EPHB2: variants seen among roughly 807,000 people sequenced by gnomAD.
EPHB2 encodes ephrin type-B receptor 2.
In EPHB2, 18 loss-of-function variants were observed where a neutral mutation model predicts 96.4. That is an observed-to-expected ratio of 0.19 (90% CI 0.13 to 0.28). EPHB2 has a LOEUF of 0.28. EPHB2 is among the 10% of genes least tolerant of loss of function. The pLI is 1.00. For synonymous variants in EPHB2, 506 were observed against 534.1 expected (o/e 0.95, Z 0.72); for missense variants, 989 against 1,355.4 (o/e 0.73, Z 4.25).
intron 9 of EPHB2, among the ~76,000 whole-genome samples, chr1:22,897,563 A>C (rs1639607683): frequency 6.6e-6 from 1 of 151,206 alleles, no homozygotes; most frequent in South Asian, 2.1e-4. Flanking sequence ...TGAGGCAGGC[A>C]GATCACTTGA....
chr1:22,820,398 C>T (rs1001525399), intron 3 of EPHB2, among the ~76,000 whole-genome samples: 1 of 152,088 alleles, frequency 6.6e-6, no homozygotes, highest in Non-Finnish European at 1.5e-5. Flanking sequence ...CGGTGGCTCA[C>T]GCCTGTAATC....
intron 1 of EPHB2, among the ~76,000 whole-genome samples, chr1:22,730,659 G>C (rs977692504): frequency 6.6e-6 from 1 of 152,016 alleles, no homozygotes. Flanking sequence ...GGGTGTTTCA[G>C]GCAGTGAGGA....
chr1:22,845,064 G>A (rs535958112), intron 3 of EPHB2, among the ~76,000 whole-genome samples: 2 of 152,346 alleles, frequency 1.3e-5, no homozygotes, highest in African/African-American at 2.4e-5. Context: ...AGGAGGTGAC[G>A]ATGATGAGTT....
intron 1 of EPHB2, among the ~76,000 whole-genome samples, chr1:22,723,957 C>T (rs2148342984): frequency 6.6e-6 from 1 of 152,308 alleles, no homozygotes. Context: ...TTAGCTGAAT[C>T]CTACAGATGA....
intron 1 of EPHB2, among the ~76,000 whole-genome samples, chr1:22,770,270 T>C (rs751561978): frequency 2.0e-5 from 3 of 152,068 alleles, no homozygotes; most frequent in African/African-American, 4.8e-5. Context: ...GTTGGAAAGA[T>C]AGATGGATGA....
At chr1:22,740,367 G>C (rs1643887587) in intron 1 of EPHB2, among the ~76,000 whole-genome samples, 1 of 152,172 alleles carries the variant, frequency 6.6e-6, no homozygotes, top group African/African-American at 2.4e-5. Context: ...TACCCAATCA[G>C]GGTGTTTTCC....
At chr1:22,718,734 T>C (rs1244976419) in intron 1 of EPHB2, among the ~76,000 whole-genome samples, 2 of 152,186 alleles carry the variant, frequency 1.3e-5, no homozygotes, top group African/African-American at 2.4e-5. Flanking sequence ...ATTATGTGTG[T>C]TGCCTTGTGC....
chr1:22,790,197 C>T lies in EPHB2; in HGVS notation c.811+5121C>T, dbSNP rs1644671128. 6.6e-6 allele frequency among the ~76,000 whole-genome samples: 1 copy of T among 152,066 alleles called. No individual in the cohort carries two copies. The highest frequency in any genetic ancestry group is 1.5e-5 in the Non-Finnish European group (1 of 68,010). ...GCAGAGAGAACTATACGAATAAAGG[C>T]CCCAAGGTGTGACAGTACAAGGCAT... On this transcript the variant is annotated intron_variant, in intron 3 of 15. Coordinates refer to ENST00000374630, the MANE Select transcript of EPHB2 (RefSeq NM_017449.5). The surrounding 1 kb of genome is among the most constrained non-coding windows in gnomAD (Gnocchi z 4.0).
chr1:22,753,020 A>G (rs1644088724), intron 1 of EPHB2, among the ~76,000 whole-genome samples: 1 of 151,536 alleles, frequency 6.6e-6, no homozygotes, highest in African/African-American at 2.4e-5. Flanking sequence ...GGCTCAAGTG[A>G]TCCTCCTGTC....
intron 11 of EPHB2, 75 bp downstream of exon 11, chr1:22,907,032 C>A: frequency 1.3e-6 from 2 of 1,507,806 alleles, no homozygotes; most frequent in South Asian, 1.4e-5. Context: ...TTCATACTGT[C>A]AGAGCCTGAA....
At chr1:22,766,892 G>GA (rs1445478108) in intron 1 of EPHB2, among the ~76,000 whole-genome samples, 1 of 152,236 alleles carries the variant, frequency 6.6e-6, no homozygotes, top group Non-Finnish European at 1.5e-5. Flanking sequence ...TGGGGCTGGG[G>GA]AGCTGATGAA....
At position 22,722,259 on chromosome 1, in the gene EPHB2, A is replaced by G. The variant is rs149878861; in HGVS notation, c.61+11216A>G. Among the ~76,000 whole-genome samples, 247 of 152,178 alleles carry G rather than the reference A, an allele frequency of 1.6e-3. 2 individuals are homozygous for G. The highest frequency in any genetic ancestry group is 5.6e-3 in the African/African-American group (233 of 41,518). Reference sequence around the variant, plus strand: ...TGATCCACCTGCCTCAGCTTCCCAAATTGTTGGGATTACAGACGTGAGCCA... The same window carrying G: ...TGATCCACCTGCCTCAGCTTCCCAAGTTGTTGGGATTACAGACGTGAGCCA... On this transcript the variant is annotated intron_variant, in intron 1 of 15. Transcript: ENST00000374630.
At chr1:22,726,059 A>G (rs532216920) in intron 1 of EPHB2, among the ~76,000 whole-genome samples, 1 of 152,186 alleles carries the variant, frequency 6.6e-6, no homozygotes, top group African/African-American at 2.4e-5. Context: ...TCATCCATCC[A>G]TCTGTCCATC....
At position 22,913,766 on chromosome 1, in the gene EPHB2, A is replaced by T. The variant is rs1640190448; in HGVS notation, c.*196A>T. ...CTCAAACGACGGAAAAAAAAAGGGAATGGGAAAAAAGAAAACAGATCCTGG... is the reference window on the plus strand; with the variant it reads ...CTCAAACGACGGAAAAAAAAAGGGATTGGGAAAAAAGAAAACAGATCCTGG... On this transcript the variant is annotated 3_prime_UTR_variant, in exon 16 of 16. Coordinates refer to ENST00000374630, the MANE Select transcript of EPHB2 (RefSeq NM_017449.5). This position sits in a 1 kb window ranked among gnomAD's most constrained non-coding sequence, Gnocchi z 4.1. The T allele has an allele frequency of 6.2e-7, 1 of 1,607,280 alleles. No individual in the cohort carries two copies. The highest frequency in any genetic ancestry group is 1.7e-5 in the Admixed American group (1 of 58,628).
intron 3 of EPHB2, among the ~76,000 whole-genome samples, chr1:22,843,982 CT>C (rs1446587585): frequency 6.6e-6 from 1 of 152,214 alleles, no homozygotes; most frequent in African/African-American, 2.4e-5. Flanking sequence ...GTTGCAAAGG[CT>C]TTTTTATGGC....
chr1:22,714,531 G>C (rs958018098), intron 1 of EPHB2, among the ~76,000 whole-genome samples: 4 of 152,104 alleles, frequency 2.6e-5, no homozygotes, highest in African/African-American at 9.7e-5. Context: ...CAGCAGTGGG[G>C]GTTGAGACTG....
intron 3 of EPHB2, among the ~76,000 whole-genome samples, chr1:22,809,803 G>A (rs1644978463): frequency 6.6e-6 from 1 of 152,224 alleles, no homozygotes; most frequent in Non-Finnish European, 1.5e-5. Context: ...AGTGTGTGCT[G>A]TGGACTTATG....
At chr1:22,772,169 G>A (rs1644387841) in intron 1 of EPHB2, among the ~76,000 whole-genome samples, 1 of 151,314 alleles carries the variant, frequency 6.6e-6, no homozygotes, top group African/African-American at 2.4e-5. Flanking sequence ...CCAAAGCCCT[G>A]GCTGCACAAT....
At chr1:22,746,343 G>A (rs760085937) in intron 1 of EPHB2, among the ~76,000 whole-genome samples, 1 of 152,214 alleles carries the variant, frequency 6.6e-6, no homozygotes, top group African/African-American at 2.4e-5. Context: ...AGTTGACCTG[G>A]CTAAAAGGGA....
Sources: allele counts gnomAD v4.1 joint callset (sites outside exome capture counted in the v4.1 genomes callset), GRCh38; gene constraint gnomAD v4.1.1; non-coding constraint Gnocchi (gnomAD v3.1); transcripts MANE v1.5; gene names NCBI Gene and HGNC (gene_info 2026-07-23, HGNC 2026-07-21).